GTF2E2: variants seen among roughly 807,000 people sequenced by gnomAD.
GTF2E2 encodes the protein transcription initiation factor IIE subunit beta.
GTF2E2 carries 21 observed loss-of-function variants against 40.5 expected under a neutral mutation model. The ratio of observed to expected loss-of-function variants is 0.52; its 90% CI spans 0.37 to 0.75. The LOEUF (loss-of-function observed/expected upper bound fraction) is 0.75. Ranked by LOEUF, GTF2E2 falls within the 30% of genes least tolerant of loss-of-function variation. The pLI, the probability that GTF2E2 is intolerant of heterozygous loss-of-function variation, is 0.00. For missense variants in GTF2E2, 298 were observed against 338.4 expected, an observed-to-expected ratio of 0.88 and a Z score of 0.94; for synonymous variants, 117 against 121.6, an observed-to-expected ratio of 0.96 and a Z score of 0.25.
intron 6 of GTF2E2, among the ~76,000 whole-genome samples, chr8:30,586,613 G>C (rs930280721): frequency 5.3e-5 from 8 of 152,070 alleles, no homozygotes; most frequent in Admixed American, 3.9e-4. Flanking sequence ...AACAAAACTA[G>C]AGGTACCACA....
chr8:30,602,406 CT>C (rs1460914859), intron 6 of GTF2E2, among the ~76,000 whole-genome samples: 1 of 152,090 alleles, frequency 6.6e-6, no homozygotes, highest in African/African-American at 2.4e-5. Flanking sequence ...ATTACACTGA[CT>C]TTTTAAGAAA....
At chr8:30,632,466 A>C (rs867522172) in intron 3 of GTF2E2, among the ~76,000 whole-genome samples, 1 of 152,184 alleles carries the variant, frequency 6.6e-6, no homozygotes, top group Non-Finnish European at 1.5e-5. Context: ...TAACTAGGAG[A>C]TATTTTCTAA....
chr8:30,638,461 T>A (rs1801686081), intron 2 of GTF2E2: 1 of 152,382 alleles, frequency 6.6e-6, no homozygotes, highest in South Asian at 2.1e-4. Flanking sequence ...ACAGCTCTAT[T>A]CAAGTTTATG....
At chr8:30,579,992 C>A (rs985015581) in intron 7 of GTF2E2, among the ~76,000 whole-genome samples, 1 of 152,160 alleles carries the variant, frequency 6.6e-6, no homozygotes, top group Non-Finnish European at 1.5e-5. Context: ...GGGCTTGTAG[C>A]AGCTTAGAGT....
chr8:30,634,786 T>C (rs1801535854), intron 3 of GTF2E2, among the ~76,000 whole-genome samples: 1 of 152,180 alleles, frequency 6.6e-6, no homozygotes, highest in Non-Finnish European at 1.5e-5. Context: ...TTAAGTGAAA[T>C]GGTGAGCTTA....
At chr8:30,600,031 GCA>G (rs1829131566) in intron 6 of GTF2E2, among the ~76,000 whole-genome samples, 1 of 152,102 alleles carries the variant, frequency 6.6e-6, no homozygotes, top group African/African-American at 2.4e-5. Flanking sequence ...GAGCCCCAGA[GCA>G]CAGACTCAAA....
chr8:30,620,515 C>T (rs1296023618), intron 3 of GTF2E2, among the ~76,000 whole-genome samples: 2 of 151,982 alleles, frequency 1.3e-5, no homozygotes, highest in Non-Finnish European at 1.5e-5. Context: ...GTGTATTTTA[C>T]CTTTTATCTC....
intron 3 of GTF2E2, among the ~76,000 whole-genome samples, chr8:30,619,978 G>A (rs1801040137): frequency 6.6e-6 from 1 of 151,962 alleles, no homozygotes; most frequent in African/African-American, 2.4e-5. Context: ...TGAATAGCAA[G>A]AGATGTGACA....
intron 1 of GTF2E2, chr8:30,657,528 C>G (rs1422453462): frequency 6.6e-6 from 1 of 152,186 alleles, no homozygotes; most frequent in Non-Finnish European, 1.5e-5. Flanking sequence ...GTTGTTTAGA[C>G]TGCAGAAATC....
intron 6 of GTF2E2, among the ~76,000 whole-genome samples, chr8:30,593,498 C>T (rs569448694): frequency 1.3e-5 from 2 of 152,272 alleles, no homozygotes; most frequent in South Asian, 4.1e-4. Context: ...TATGTAACGT[C>T]CTTTTTCTTT....
intron 6 of GTF2E2, among the ~76,000 whole-genome samples, chr8:30,593,533 C>G (rs1413576130): frequency 6.6e-6 from 1 of 152,230 alleles, no homozygotes. Flanking sequence ...GGCTCCGTCA[C>G]CCAAACTGGA....
At chr8:30,633,555 A>G (rs1801501040) in intron 3 of GTF2E2, among the ~76,000 whole-genome samples, 1 of 152,216 alleles carries the variant, frequency 6.6e-6, no homozygotes, top group African/African-American at 2.4e-5. Flanking sequence ...CAGTTTTTCA[A>G]ACTGTAGGGA....
Position 30,614,652 on chromosome 8 carries a change from G to T in GTF2E2, c.322C>A (p.His108Asn). ...TLDEILDETQ[H>N]LDIGLKQKQW... ...TTCTGCTTGAGTCCAATATCTAAAT[G>T]TTGTGTTTCATCCAAAATTTCATCT... Residue 108 changes from histidine (H) to asparagine (N), a missense_variant, in exon 4 of 8, where the codon CAT (histidine) becomes AAT (asparagine). Physicochemically the swap from His to Asn is moderately conservative, Grantham distance 68. Coordinates refer to ENST00000355904, the MANE Select transcript of GTF2E2 (RefSeq NM_002095.6). 6.2e-7 allele frequency: 1 copy of T among 1,608,508 alleles called. No homozygotes were observed. The highest frequency in any genetic ancestry group is 8.5e-7 in the Non-Finnish European group (1 of 1,175,172).
chr8:30,580,155 C>A, intron 7 of GTF2E2, 126 bp downstream of exon 7: 1 of 653,392 alleles, frequency 1.5e-6, no homozygotes, highest in African/African-American at 1.8e-5. Flanking sequence ...TCAGATGTGA[C>A]CTGGGCTGCG....
At chr8:30,593,467 G>A (rs1473533126) in intron 6 of GTF2E2, among the ~76,000 whole-genome samples, 2 of 152,130 alleles carry the variant, frequency 1.3e-5, no homozygotes, top group Non-Finnish European at 2.9e-5. Flanking sequence ...TGTACTCTTG[G>A]AGAATTGATA....
intron 6 of GTF2E2, among the ~76,000 whole-genome samples, chr8:30,589,419 C>T (rs949683358): frequency 9.9e-5 from 15 of 152,024 alleles, no homozygotes; most frequent in African/African-American, 3.4e-4. Context: ...ATAAATTGGC[C>T]AGACATGGAG....
At chr8:30,653,087 T>C (rs562181542) in intron 2 of GTF2E2, among the ~76,000 whole-genome samples, 3 of 152,304 alleles carry the variant, frequency 2.0e-5, no homozygotes, top group Admixed American at 6.5e-5. Context: ...GCACATCAGA[T>C]CTGCTGGGGG....
intron 3 of GTF2E2, among the ~76,000 whole-genome samples, chr8:30,615,469 A>C (rs1800892695): frequency 6.6e-6 from 1 of 152,212 alleles, no homozygotes; most frequent in South Asian, 2.1e-4. Flanking sequence ...TCATAAAAGG[A>C]AAATATTAGA....
chr8:30,645,828 A>T, intron 2 of GTF2E2: 2 of 421,274 alleles, frequency 4.7e-6, no homozygotes, highest in South Asian at 1.1e-4. Flanking sequence ...TTTAATACTG[A>T]CACTTCAAAA....
Sources: gnomAD v4.1 joint callset for allele counts (sites outside exome capture counted in the v4.1 genomes callset) on GRCh38, gnomAD v4.1.1 for gene constraint, MANE v1.5 for transcripts, NCBI Gene and HGNC (gene_info 2026-07-23, HGNC 2026-07-21) for gene names.